KLF1: variants seen among roughly 807,000 people sequenced by gnomAD.
KLF1 encodes KLF transcription factor 1.
A neutral mutation model predicts 28.0 loss-of-function variants in KLF1; 29 were observed. The ratio of observed to expected loss-of-function variants is 1.04; its 90% CI spans 0.77 to 1.41. The LOEUF (loss-of-function observed/expected upper bound fraction) is 1.41, where lower values mean the gene tolerates loss of function less well. Among genes scored for constraint, KLF1 ranks in the 40% most tolerant of loss-of-function variants. KLF1 has a pLI of 0.00. For synonymous variants in KLF1, 262 were observed against 242.6 expected (o/e 1.08, Z -0.74); for missense variants, 508 against 515.1 (o/e 0.99, Z 0.13).
rs1408850967 is a variant in KLF1, at chr19:12,885,834, G to A, written c.396C>T (p.His132=). The A allele has an allele frequency of 1.3e-6, 2 of 1,550,566 alleles. No homozygotes were observed. Among genetic ancestry groups the A allele is most frequent in the African/African-American group, 2.7e-5 (2 of 72,978 alleles). ...LVAGLLGSED[H]SGWVRPALRA... is the part of the protein sequence containing the mutation. ...GCAGGGCAGGGCGCACCCAACCCGA[G>A]TGATCCTCCGAACCCAAAAGCCCAG... Residue 132 remains histidine, a synonymous_variant, in exon 2 of 3, where the codon CAC becomes CAT. Transcript: ENST00000264834. The surrounding 1 kb of genome is among the most constrained non-coding windows in gnomAD (Gnocchi z 5.6).
At position 12,885,347 on chromosome 19, in the gene KLF1, G is replaced by GGGAGCTCTTGGT; in HGVS notation, c.871_882dup (p.Thr291_Ser294dup). 2 of 1,600,046 alleles carry GGGAGCTCTTGGT rather than the reference G, an allele frequency of 1.2e-6. No homozygotes were observed. Among genetic ancestry groups the GGGAGCTCTTGGT allele is most frequent in the Non-Finnish European group, 1.7e-6 (2 of 1,173,656 alleles). On this transcript the variant is annotated inframe_insertion, in exon 2 of 3. Coordinates refer to ENST00000264834, the MANE Select transcript of KLF1 (RefSeq NM_006563.5). The surrounding 1 kb of genome is among the most constrained non-coding windows in gnomAD (Gnocchi z 5.6). ...TGCGTGCGCAGATGCGCCTTCAGGTGGGAGCTCTTGGTGTAGCTCTTGCCG... is the reference window on the plus strand; with the variant it reads ...TGCGTGCGCAGATGCGCCTTCAGGTGGGAGCTCTTGGTGGAGCTCTTGGTGTAGCTCTTGCCG...
At position 12,885,361 on chromosome 19, in the gene KLF1, T is replaced by TAGCTCTTGCCGC; in HGVS notation, c.857_868dup (p.Cys286_Ser289dup). The TAGCTCTTGCCGC allele has an allele frequency of 1.2e-6, 2 of 1,604,152 alleles. No individual in the cohort carries two copies. On this transcript the variant is annotated inframe_insertion, in exon 2 of 3. Transcript: ENST00000264834. The surrounding 1 kb of genome is among the most constrained non-coding windows in gnomAD (Gnocchi z 5.6). ...CGCCTTCAGGTGGGAGCTCTTGGTG[T>TAGCTCTTGCCGC]AGCTCTTGCCGCAACCCGGGTGCGC...
At position 12,885,891 on chromosome 19, in the gene KLF1, C is replaced by T; in HGVS notation, c.339G>A (p.Leu113=). The change falls in exon 2 of 3, where the codon CTG becomes CTA. Residue 113 remains leucine, a synonymous_variant. Transcript: ENST00000264834. This position sits in a 1 kb window ranked among gnomAD's most constrained non-coding sequence, Gnocchi z 5.6. ...GAQYPPPPET[L]GAYAGGPGLV... ...GCCCCGGGCCGCCAGCATATGCGCC[C>T]AGAGTCTCGGGCGGCGGCGGATATT... 1 of 1,552,148 alleles carries T rather than the reference C, an allele frequency of 6.4e-7. No individual in the cohort carries two copies. The highest frequency in any genetic ancestry group is 1.7e-4 in the Middle Eastern group (1 of 5,936).
rs1555747429 is a variant in KLF1 at position 12,885,704 on chromosome 19, C to T, written c.526G>A (p.Gly176Ser). Residue 176 changes from glycine to serine, a missense_variant, in exon 2 of 3, where the codon GGC becomes AGC. Physicochemically the swap from Gly to Ser is moderately conservative, Grantham distance 56. Coordinates refer to ENST00000264834, the MANE Select transcript of KLF1 (RefSeq NM_006563.5). This position sits in a 1 kb window ranked among gnomAD's most constrained non-coding sequence, Gnocchi z 5.6. ...CGCGGGAAGTAGCCACCCGAGGAGC[C>T]GGCGCCGGGCCCCGGGTACACCGGT... ...LQPVYPGPGAGSSGGYFPRTG... is the reference protein window; with the variant it reads ...LQPVYPGPGASSSGGYFPRTG... 7.3e-5 allele frequency: 112 copies of T among 1,525,408 alleles called. No individual in the cohort carries two copies. Among genetic ancestry groups the T allele is most frequent in the South Asian group, 6.1e-5 (5 of 82,286 alleles). 94.5% of individuals were successfully genotyped at this position (1,525,408 alleles called of 1,614,324 possible).
Position 12,885,480 on chromosome 19 carries a change from C to A in KLF1, c.750G>T (p.Gly250=), listed in dbSNP as rs569742788. Residue 250 remains glycine (G), a synonymous_variant, in exon 2 of 3, where the codon GGG becomes GGT. Coordinates refer to ENST00000264834, the MANE Select transcript of KLF1 (RefSeq NM_006563.5). This position sits in a 1 kb window ranked among gnomAD's most constrained non-coding sequence, Gnocchi z 5.6. ...GPGTVGTGLG[G]TAEDPGVIAE... is the part of the protein sequence containing the mutation. The stretch of plus-strand genomic sequence containing the variant: ...CTATCACACCTGGATCCTCTGCAGT[C>A]CCCCCGAGTCCAGTGCCCACCGTCC... 7.5e-6 allele frequency: 12 copies of A among 1,602,078 alleles called. No homozygotes were observed. The South Asian group carries it at 1.1e-4, about 15-fold the overall frequency.
chr19:12,885,292 C>A lies in KLF1; in HGVS notation c.913+25G>T. ...CTACAGCGGGCGCCGCGCCCTTTCTCATGTCCGGGGCCCCGCCCCCTCACC... is the reference window on the plus strand; with the variant it reads ...CTACAGCGGGCGCCGCGCCCTTTCTAATGTCCGGGGCCCCGCCCCCTCACC... On this transcript the variant is annotated intron_variant, in intron 2 of 2. Transcript: ENST00000264834. The surrounding 1 kb of genome is among the most constrained non-coding windows in gnomAD (Gnocchi z 5.6). 6.4e-7 allele frequency: 1 copy of A among 1,551,368 alleles called. No homozygotes were observed. The highest frequency in any genetic ancestry group is 8.7e-7 in the Non-Finnish European group (1 of 1,145,152).
chr19:12,886,079 GGGGC>G lies in KLF1; in HGVS notation c.147_150del (p.Pro50SerfsTer3). Reference sequence around the variant, plus strand: ...GGCTGGTCCTCAGACTTCACGTGGAGGGGCGGCTCCGTGGGGTCAGGAGGACCCG... The same window carrying G: ...GGCTGGTCCTCAGACTTCACGTGGAGGGCTCCGTGGGGTCAGGAGGACCCG... On this transcript the variant is annotated frameshift_variant, in exon 2 of 3. Coordinates refer to ENST00000264834, the MANE Select transcript of KLF1 (RefSeq NM_006563.5). LOFTEE classifies it high-confidence loss of function. 1 of 1,609,486 alleles carries G rather than the reference GGGGC, an allele frequency of 6.2e-7. No homozygotes were observed. Among genetic ancestry groups the G allele is most frequent in the Non-Finnish European group, 8.5e-7 (1 of 1,178,994 alleles).
chr19:12,885,555 G>A lies in KLF1; in HGVS notation c.675C>T (p.Pro225=). ...HFQLFRGLQG[P]APGPATSPSF... ...AGGGGGACGTGGCGGGACCGGGCGC[G>A]GGTCCCTGGAGCCCGCGGAAGAGCT... Residue 225 remains proline (P), a synonymous_variant, in exon 2 of 3, where the codon CCC becomes CCT. Coordinates refer to ENST00000264834, the MANE Select transcript of KLF1 (RefSeq NM_006563.5). The surrounding 1 kb of genome is among the most constrained non-coding windows in gnomAD (Gnocchi z 5.6). 1 of 1,569,148 alleles carries A rather than the reference G, an allele frequency of 6.4e-7. No homozygotes were observed. Among genetic ancestry groups the A allele is most frequent in the Middle Eastern group, 1.7e-4 (1 of 5,986 alleles).
rs1193309421 is a variant in KLF1 at position 12,885,613 on chromosome 19, A to C, written c.617T>G (p.Met206Arg). 5 of 1,552,536 alleles carry C rather than the reference A, an allele frequency of 3.2e-6. No homozygotes were observed. The highest frequency in any genetic ancestry group is 8.7e-7 in the Non-Finnish European group (1 of 1,148,612). Reference sequence around the variant, plus strand: ...CCCTTGGTACTGAGGCGCCGGGTACATCGCGGGGTACCCGGACAGTAGCCC... The same window carrying C: ...CCCTTGGTACTGAGGCGCCGGGTACCTCGCGGGGTACCCGGACAGTAGCCC... ...PYGLLSGYPAMYPAPQYQGHF... is the reference protein window; with the variant it reads ...PYGLLSGYPARYPAPQYQGHF... The change falls in exon 2 of 3, where the codon ATG becomes AGG. Residue 206 changes from methionine to arginine, a missense_variant. Transcript: ENST00000264834. The surrounding 1 kb of genome is among the most constrained non-coding windows in gnomAD (Gnocchi z 5.6).
At position 12,885,450 on chromosome 19, in the gene KLF1, C is replaced by T. The variant is rs1402089809; in HGVS notation, c.780G>A (p.Glu260=). The T allele has an allele frequency of 6.2e-7, 1 of 1,604,626 alleles. No homozygotes were observed. The highest frequency in any genetic ancestry group is 1.1e-5 in the South Asian group (1 of 89,784). ...GTCGGCCTCGCTTGGATGGCGCGGT[C>T]TCGGCTATCACACCTGGATCCTCTG... is the stretch of plus-strand genomic sequence containing the variant. ...GTAEDPGVIA[E]TAPSKRGRRS... is the part of the protein sequence containing the mutation. The change falls in exon 2 of 3, where the codon GAG becomes GAA. Residue 260 remains glutamate, a synonymous_variant. Transcript: ENST00000264834. This position sits in a 1 kb window ranked among gnomAD's most constrained non-coding sequence, Gnocchi z 5.6.
rs1366098352 is a variant in KLF1 at position 12,885,618 on chromosome 19, G to A, written c.612C>T (p.Pro204=). 1 of 1,551,706 alleles carries A rather than the reference G, an allele frequency of 6.4e-7. No homozygotes were observed. Residue 204 remains proline (P), a synonymous_variant, in exon 2 of 3, where the codon CCC becomes CCT. Coordinates refer to ENST00000264834, the MANE Select transcript of KLF1 (RefSeq NM_006563.5). This position sits in a 1 kb window ranked among gnomAD's most constrained non-coding sequence, Gnocchi z 5.6. ...GAPYGLLSGY[P]AMYPAPQYQG... ...GGTACTGAGGCGCCGGGTACATCGC[G>A]GGGTACCCGGACAGTAGCCCGTAGG... is the stretch of plus-strand genomic sequence containing the variant.
chr19:12,884,630 C>A lies in KLF1; in HGVS notation c.*255G>T. 1.8e-6 allele frequency: 1 copy of A among 550,236 alleles called. No individual in the cohort carries two copies. Among genetic ancestry groups the A allele is most frequent in the South Asian group, 2.0e-5 (1 of 49,770 alleles). The allele number at this position is 550,236 out of a possible 1,614,324, so 34.1% of individuals were successfully genotyped here. A position where few individuals can be genotyped will look rare whatever the true frequency, so the allele number is the denominator to read the frequency against. ...GGCGGTCTGTCTCACTGGGTTTGCA[C>A]GACAGTTTGGACATCTCTGTGTGGC... On this transcript the variant is annotated 3_prime_UTR_variant, in exon 3 of 3. Coordinates refer to ENST00000264834, the MANE Select transcript of KLF1 (RefSeq NM_006563.5).
In KLF1 at chr19:12,886,072, A is replaced by C. The variant is rs767178622; in HGVS notation, c.158T>G (p.Val53Gly). 6.2e-7 allele frequency: 1 copy of C among 1,610,240 alleles called. No individual in the cohort carries two copies. Among genetic ancestry groups the C allele is most frequent in the Middle Eastern group, 1.7e-4 (1 of 6,038 alleles). Residue 53 changes from valine (V) to glycine (G), a missense_variant, in exon 2 of 3, where the codon GTG (valine) becomes GGG (glycine). Physicochemically the swap from Val to Gly is moderately radical, Grantham distance 109. Transcript: ENST00000264834. ...CTCCCCGGGCTGGTCCTCAGACTTCACGTGGAGGGGCGGCTCCGTGGGGTC... is the reference window on the plus strand; with the variant it reads ...CTCCCCGGGCTGGTCCTCAGACTTCCCGTGGAGGGGCGGCTCCGTGGGGTC... ...PPDPTEPPLH[V>G]KSEDQPGEEE...
chr19:12,886,027 C>T lies in KLF1; in HGVS notation c.203G>A (p.Gly68Asp), dbSNP rs1225380735. The T allele has an allele frequency of 1.2e-6, 2 of 1,606,312 alleles. No individual in the cohort carries two copies. Among genetic ancestry groups the T allele is most frequent in the East Asian group, 2.2e-5 (1 of 44,484 alleles). Residue 68 changes from glycine (G) to aspartate (D), a missense_variant, in exon 2 of 3, where the codon GGC becomes GAC. Transcript: ENST00000264834. ...QPGEEEDDER[G>D]ADATWDLDLL... ...ATCCAGGTCCCAGGTGGCGTCCGCGCCCCTCTCATCGTCCTCTTCCTCCCC... is the reference window on the plus strand; with the variant it reads ...ATCCAGGTCCCAGGTGGCGTCCGCGTCCCTCTCATCGTCCTCTTCCTCCCC...
chr19:12,885,325 G>A lies in KLF1; in HGVS notation c.905C>T (p.Thr302Met). The A allele has an allele frequency of 1.9e-6, 3 of 1,586,932 alleles. No homozygotes were observed. Among genetic ancestry groups the A allele is most frequent in the Non-Finnish European group, 2.6e-6 (3 of 1,166,446 alleles). The change falls in exon 2 of 3, where the codon ACG (threonine) becomes ATG (methionine). Residue 302 changes from threonine to methionine, a missense_variant. Coordinates refer to ENST00000264834, the MANE Select transcript of KLF1 (RefSeq NM_006563.5). The surrounding 1 kb of genome is among the most constrained non-coding windows in gnomAD (Gnocchi z 5.6). ...GGGCCCCGCCCCCTCACCTGTGTGC[G>A]TGCGCAGATGCGCCTTCAGGTGGGA... ...KSSHLKAHLR[T>M]HTGEKPYACT...
chr19:12,886,206 G>T, intron 1 of KLF1, 64 bp from the exon 2 acceptor site: 1 of 1,253,958 alleles, frequency 8.0e-7, no homozygotes, highest in Non-Finnish European at 1.1e-6. Flanking sequence ...CAGGGACATC[G>T]CGGGCTGGAC....
rs756226632 is a variant in KLF1, at chr19:12,886,135, C to A, written c.95G>T (p.Arg32Leu). The A allele has an allele frequency of 6.2e-6, 10 of 1,600,296 alleles. No individual in the cohort carries two copies. Among genetic ancestry groups the A allele is most frequent in the Non-Finnish European group, 8.5e-6 (10 of 1,177,596 alleles). ...GCCCATGTCCTGCGCCTCTTCGGAG[C>A]GCCACCACTGCGGGAGGGAGCAGGC... is the stretch of plus-strand genomic sequence containing the variant. ...DTQDDFLKWW[R>L]SEEAQDMGPG... Residue 32 changes from arginine to leucine, a missense_variant, in exon 2 of 3, where the codon CGC (arginine) becomes CTC (leucine). Transcript: ENST00000264834.
chr19:12,886,933 G>T (rs545796365), intron 1 of KLF1, 121 bp downstream of exon 1: 3 of 1,006,968 alleles, frequency 3.0e-6, no homozygotes, highest in East Asian at 2.4e-5. Context: ...TGGACTGAGC[G>T]TACCTCAGTC....
chr19:12,885,756 GGCCGGGGCTGGA>G lies in KLF1; in HGVS notation c.462_473del (p.Ala156_Pro159del). ...GCAGCGCCAGCGCCTTGGGCTCGGG[GGCCGGGGCTGGA>G]GCCAGGGCTGGGCCCACGAAGGCGT... On this transcript the variant is annotated inframe_deletion, in exon 2 of 3. Coordinates refer to ENST00000264834, the MANE Select transcript of KLF1 (RefSeq NM_006563.5). The surrounding 1 kb of genome is among the most constrained non-coding windows in gnomAD (Gnocchi z 5.6). 6.6e-7 allele frequency: 1 copy of G among 1,510,262 alleles called. No homozygotes were observed. Among genetic ancestry groups the G allele is most frequent in the Admixed American group, 2.3e-5 (1 of 44,230 alleles). The allele number at this position is 1,510,262 out of a possible 1,614,324, so 93.6% of individuals were successfully genotyped here. A position where few individuals can be genotyped will look rare whatever the true frequency, so the allele number is the denominator to read the frequency against.
Sources: gnomAD v4.1 joint callset for allele counts on GRCh38, gnomAD v4.1.1 for gene constraint, Gnocchi (gnomAD v3.1) non-coding constraint, MANE v1.5 for transcripts, NCBI Gene and HGNC (gene_info 2026-07-23, HGNC 2026-07-21) for gene names.